The following NR6A1 variants were observed in gnomAD, a reference collection of about 807,000 sequenced individuals.
The protein encoded by NR6A1 is retinoic acid receptor-related testis-associated receptor.
A neutral mutation model predicts 59.1 loss-of-function variants in NR6A1; 7 were observed. That is an observed-to-expected ratio of 0.12 (90% CI 0.07 to 0.22). NR6A1 has a LOEUF of 0.22. Ranked by LOEUF, NR6A1 falls within the 10% of genes least tolerant of loss-of-function variation. The pLI is 1.00. For synonymous variants in NR6A1, 243 were observed against 236.1 expected (o/e 1.03, Z -0.27); for missense variants, 468 against 611.6 (o/e 0.77, Z 2.48).
At chr9:124,737,918 T>C (rs971923614) in intron 1 of NR6A1, among the ~76,000 whole-genome samples, 13 of 151,798 alleles carry the variant, frequency 8.6e-5, no homozygotes, top group Non-Finnish European at 1.8e-4. Context: ...TCAGGGGTCC[T>C]AGACCAGCCT....
intron 2 of NR6A1, among the ~76,000 whole-genome samples, chr9:124,699,840 T>C (rs558074457): frequency 1.3e-5 from 2 of 152,302 alleles, no homozygotes; most frequent in Admixed American, 1.3e-4. Flanking sequence ...TTGACTTCTC[T>C]GGACATTTTG....
intron 2 of NR6A1, among the ~76,000 whole-genome samples, chr9:124,711,090 T>C (rs1156931382): frequency 6.6e-6 from 1 of 151,690 alleles, no homozygotes; most frequent in Non-Finnish European, 1.5e-5. Flanking sequence ...CCAAGCCTAT[T>C]TGTACATAAT....
intron 1 of NR6A1, among the ~76,000 whole-genome samples, chr9:124,767,913 T>C (rs569273977): frequency 4.6e-5 from 7 of 152,358 alleles, no homozygotes; most frequent in Admixed American, 3.9e-4. Flanking sequence ...AAATGCAATA[T>C]TCAGCATACA....
intron 3 of NR6A1, among the ~76,000 whole-genome samples, chr9:124,546,823 A>C (rs567288553): frequency 6.6e-6 from 1 of 152,358 alleles, no homozygotes; most frequent in South Asian, 2.1e-4. Flanking sequence ...ATGTTCTTGC[A>C]CATATGTATG....
chr9:124,611,001 T>C (rs1001701149), intron 2 of NR6A1, among the ~76,000 whole-genome samples: 1 of 152,168 alleles, frequency 6.6e-6, no homozygotes, highest in Non-Finnish European at 1.5e-5. Context: ...TATTTGAGGA[T>C]ACTACCTGGA....
intron 2 of NR6A1, among the ~76,000 whole-genome samples, chr9:124,712,910 ACAC>A (rs1839318411): frequency 6.6e-6 from 1 of 152,238 alleles, no homozygotes; most frequent in South Asian, 2.1e-4. Flanking sequence ...TCTGAAAACA[ACAC>A]CACTCATGAT....
At chr9:124,664,304 C>T (rs1233679707) in intron 2 of NR6A1, among the ~76,000 whole-genome samples, 5 of 152,044 alleles carry the variant, frequency 3.3e-5, no homozygotes, top group African/African-American at 1.2e-4. Flanking sequence ...GGAGATTGTG[C>T]GATGTAGTTT....
chr9:124,542,069 G>A (rs1272703869), intron 4 of NR6A1, among the ~76,000 whole-genome samples: 4 of 152,214 alleles, frequency 2.6e-5, no homozygotes, highest in Non-Finnish European at 5.9e-5. Flanking sequence ...AGTCATGTAA[G>A]ATGGAAAAGT....
At chr9:124,717,741 C>A (rs981396193) in intron 2 of NR6A1, among the ~76,000 whole-genome samples, 2 of 152,172 alleles carry the variant, frequency 1.3e-5, no homozygotes, top group African/African-American at 4.8e-5. Flanking sequence ...AAGATAAGGA[C>A]ATGGACTTTG....
At chr9:124,668,623 C>G (rs2130961205) in intron 2 of NR6A1, among the ~76,000 whole-genome samples, 1 of 152,316 alleles carries the variant, frequency 6.6e-6, no homozygotes, top group African/African-American at 2.4e-5. Context: ...AATCCATTCT[C>G]AACACCGATT....
chr9:124,599,259 A>G (rs1003386199), intron 2 of NR6A1: 1 of 424,182 alleles, frequency 2.4e-6, no homozygotes, highest in South Asian at 2.1e-5. Flanking sequence ...TCTCGTCAAC[A>G]TGGTGAAACC....
chr9:124,605,914 T>C (rs1424581599), intron 2 of NR6A1, among the ~76,000 whole-genome samples: 1 of 152,252 alleles, frequency 6.6e-6, no homozygotes, highest in Non-Finnish European at 1.5e-5. Context: ...CTGGCTTATT[T>C]TAGTAGCTTC....
intron 2 of NR6A1, among the ~76,000 whole-genome samples, chr9:124,574,444 C>T (rs1321385432): frequency 6.6e-6 from 1 of 152,208 alleles, no homozygotes; most frequent in Non-Finnish European, 1.5e-5. Flanking sequence ...AATTTCATAA[C>T]TGCATTTTTA....
Position 124,672,947 on chromosome 9 carries a change from G to A in NR6A1, c.142+60361C>T, listed in dbSNP as rs188273720. Among the ~76,000 whole-genome samples, 79 of 152,228 alleles carry A rather than the reference G, an allele frequency of 5.2e-4. 1 individual carries two copies. Among genetic ancestry groups the A allele is most frequent in the Admixed American group, 8.5e-4 (13 of 15,282 alleles). Reference sequence around the variant, plus strand: ...AAAATAAAAGACATTTGGGGAAAGGGAGGGAACAGAAAACACATTCATTTC... The same window carrying A: ...AAAATAAAAGACATTTGGGGAAAGGAAGGGAACAGAAAACACATTCATTTC... On this transcript the variant is annotated intron_variant, in intron 2 of 9. Transcript: ENST00000487099.
At chr9:124,583,296 G>T (rs1371684381) in intron 2 of NR6A1, among the ~76,000 whole-genome samples, 1 of 152,170 alleles carries the variant, frequency 6.6e-6, no homozygotes, top group African/African-American at 2.4e-5. Flanking sequence ...CTAGAGGACA[G>T]ATGACTCCTT....
chr9:124,564,245 C>G (rs1022384392), intron 2 of NR6A1, among the ~76,000 whole-genome samples: 1 of 152,028 alleles, frequency 6.6e-6, no homozygotes, highest in Admixed American at 6.6e-5. Context: ...GAAACCTATA[C>G]CAACAATCAC....
At chr9:124,756,158 T>A (rs1338542329) in intron 1 of NR6A1, among the ~76,000 whole-genome samples, 1 of 152,234 alleles carries the variant, frequency 6.6e-6, no homozygotes, top group Non-Finnish European at 1.5e-5. Context: ...TAGAATACCA[T>A]TCTTTTGAAA....
At chr9:124,676,005 T>C (rs1360782582) in intron 2 of NR6A1, among the ~76,000 whole-genome samples, 1 of 152,196 alleles carries the variant, frequency 6.6e-6, no homozygotes, top group Non-Finnish European at 1.5e-5. Flanking sequence ...ACTGCCTGAA[T>C]AGATACCCAC....
intron 2 of NR6A1, among the ~76,000 whole-genome samples, chr9:124,723,021 CATATAAAT>C (rs1213038010): frequency 1.4e-4 from 21 of 152,138 alleles, no homozygotes; most frequent in African/African-American, 5.1e-4. Flanking sequence ...TTAAAATACT[CATATAAAT>C]ATATATACAT....
Sources: allele counts gnomAD v4.1 joint callset (sites outside exome capture counted in the v4.1 genomes callset), GRCh38; gene constraint gnomAD v4.1.1; transcripts MANE v1.5; gene names NCBI Gene and HGNC (gene_info 2026-07-23, HGNC 2026-07-21).